The following AGAP1 variants were observed in gnomAD, a reference collection of about 807,000 sequenced individuals.
The protein encoded by AGAP1 is ArfGAP with GTPase domain, ankyrin repeat and PH domain 1.
In AGAP1, 29 loss-of-function variants were observed where a neutral mutation model predicts 105.3. That is an observed-to-expected ratio of 0.28 (90% confidence interval 0.21 to 0.38). AGAP1 has a LOEUF of 0.38. Among genes scored for constraint, AGAP1 ranks in the 10% least tolerant of loss-of-function variants. The pLI is 1.00. For synonymous variants in AGAP1, 509 were observed against 485.9 expected (o/e 1.05, Z -0.63); for missense variants, 998 against 1,165.1 (o/e 0.86, Z 2.09).
rs533975465 is a variant in AGAP1, at chr2:236,092,692, G to A, written c.2115-27500G>A. Among the ~76,000 whole-genome samples the A allele has an allele frequency of 1.2e-3, 188 of 152,256 alleles. No homozygotes were observed. Among genetic ancestry groups the A allele is most frequent in the African/African-American group, 4.4e-3 (182 of 41,568 alleles). ...CAGGCGTGAGCCACCGCGCCCGGCCGTATTATTTCTTTAAACTCCATGTGA... is the reference window on the plus strand; with the variant it reads ...CAGGCGTGAGCCACCGCGCCCGGCCATATTATTTCTTTAAACTCCATGTGA... On this transcript the variant is annotated intron_variant, in intron 16 of 17. Transcript: ENST00000304032. This position sits in a 1 kb window ranked among gnomAD's most constrained non-coding sequence, Gnocchi z 4.7.
At chr2:235,697,165 G>A (rs577031692) in intron 1 of AGAP1, among the ~76,000 whole-genome samples, 1 of 152,318 alleles carries the variant, frequency 6.6e-6, no homozygotes, top group African/African-American at 2.4e-5. Context: ...ACTAAGAGCA[G>A]ATTCTGGGAG....
intron 1 of AGAP1, among the ~76,000 whole-genome samples, chr2:235,499,404 A>G (rs1941468286): frequency 6.6e-6 from 1 of 152,144 alleles, no homozygotes; most frequent in Non-Finnish European, 1.5e-5. Context: ...GGAAACAAAC[A>G]TTTTCTTCCT....
At position 235,665,854 on chromosome 2, in the gene AGAP1, G is replaced by C. The variant is rs1028902929; in HGVS notation, c.164-43325G>C. On this transcript the variant is annotated intron_variant, in intron 1 of 17. Transcript: ENST00000304032. This position sits in a 1 kb window ranked among gnomAD's most constrained non-coding sequence, Gnocchi z 5.3. ...TCAGGTTCTGTTATTTGGAAAGCCA[G>C]CCTGTGTAGCAGATGGCTCTGCTGA... is the stretch of plus-strand genomic sequence containing the variant. 2.6e-5 allele frequency among the ~76,000 whole-genome samples: 4 copies of C among 152,156 alleles called. No homozygotes were observed. Among genetic ancestry groups the C allele is most frequent in the African/African-American group, 9.7e-5 (4 of 41,426 alleles).
At chr2:235,955,564 A>C (rs1248137343) in intron 12 of AGAP1, among the ~76,000 whole-genome samples, 1 of 152,222 alleles carries the variant, frequency 6.6e-6, no homozygotes, top group Non-Finnish European at 1.5e-5. Context: ...CTGGGAACTG[A>C]CTAAGCAAAC....
chr2:235,945,014 C>T (rs1243387663), intron 12 of AGAP1, among the ~76,000 whole-genome samples: 1 of 152,216 alleles, frequency 6.6e-6, no homozygotes, highest in Non-Finnish European at 1.5e-5. Context: ...AAGTTCCTGA[C>T]AATTAATTTT....
At chr2:235,920,441 C>T (rs542895666) in intron 11 of AGAP1, among the ~76,000 whole-genome samples, 1 of 152,128 alleles carries the variant, frequency 6.6e-6, no homozygotes, top group Non-Finnish European at 1.5e-5. Context: ...GCCCCAAGCG[C>T]AGGGTTGTTG....
At position 235,666,405 on chromosome 2, in the gene AGAP1, G is replaced by A. The variant is rs543226199; in HGVS notation, c.164-42774G>A. Among the ~76,000 whole-genome samples, 308 of 152,140 alleles carry A rather than the reference G, an allele frequency of 2.0e-3. 1 individual carries two copies. Among genetic ancestry groups the A allele is most frequent in the African/African-American group, 6.9e-3 (287 of 41,490 alleles). On this transcript the variant is annotated intron_variant, in intron 1 of 17. Transcript: ENST00000304032. ...GATTTAGATTTTGGAGTGACATGTCGGGAGCATGTGTCTTCTTTGCATCGG... is the reference window on the plus strand; with the variant it reads ...GATTTAGATTTTGGAGTGACATGTCAGGAGCATGTGTCTTCTTTGCATCGG...
Position 236,089,825 on chromosome 2 carries a change from C to T in AGAP1, c.2115-30367C>T, listed in dbSNP as rs192911366. 6.6e-6 allele frequency among the ~76,000 whole-genome samples: 1 copy of T among 152,078 alleles called. No individual in the cohort carries two copies. Among genetic ancestry groups the T allele is most frequent in the Admixed American group, 6.6e-5 (1 of 15,258 alleles). On this transcript the variant is annotated intron_variant, in intron 16 of 17. Coordinates refer to ENST00000304032, the MANE Select transcript of AGAP1 (RefSeq NM_001037131.3). The surrounding 1 kb of genome is among the most constrained non-coding windows in gnomAD (Gnocchi z 5.6). The stretch of plus-strand genomic sequence containing the variant: ...CTGACGAGGTCTAATTGGCATGTAA[C>T]GCCCTATAAATTTATTAGCATGCCT...
rs1947981441 is a variant in AGAP1, at chr2:235,662,226, T to G, written c.164-46953T>G. Among the ~76,000 whole-genome samples the G allele has an allele frequency of 6.6e-6, 1 of 152,200 alleles. No individual in the cohort carries two copies. The highest frequency in any genetic ancestry group is 2.1e-4 in the South Asian group (1 of 4,836). On this transcript the variant is annotated intron_variant, in intron 1 of 17. Coordinates refer to ENST00000304032, the MANE Select transcript of AGAP1 (RefSeq NM_001037131.3). The surrounding 1 kb of genome is among the most constrained non-coding windows in gnomAD (Gnocchi z 4.2). ...TGGTGGCACATGAATCCCAGCTTTG[T>G]GTATCCACTCAGTTGCATGCCAGGT...
intron 11 of AGAP1, among the ~76,000 whole-genome samples, chr2:235,913,298 CTG>C (rs2051710645): frequency 6.6e-6 from 1 of 151,924 alleles, no homozygotes; most frequent in Non-Finnish European, 1.5e-5. Flanking sequence ...GCATATATAT[CTG>C]TGTGTATGTG....
At chr2:235,675,401 A>T in intron 1 of AGAP1, among the ~76,000 whole-genome samples, 1 of 151,932 alleles carries the variant, frequency 6.6e-6, no homozygotes, top group Admixed American at 6.6e-5. Flanking sequence ...CTGTGGTCTC[A>T]ATCTCCTGAC....
At chr2:235,890,417 G>T (rs1484785981) in intron 10 of AGAP1, among the ~76,000 whole-genome samples, 1 of 152,192 alleles carries the variant, frequency 6.6e-6, no homozygotes, top group East Asian at 1.9e-4. Context: ...CTCCCAAAGT[G>T]CTGGGATTAT....
Position 236,102,154 on chromosome 2 carries a change from A to G in AGAP1, c.2115-18038A>G, listed in dbSNP as rs542916624. 3.9e-5 allele frequency among the ~76,000 whole-genome samples: 6 copies of G among 152,148 alleles called. No individual in the cohort carries two copies. The South Asian group carries it at 1.2e-3, about 32-fold the overall frequency. On this transcript the variant is annotated intron_variant, in intron 16 of 17. Transcript: ENST00000304032. The stretch of plus-strand genomic sequence containing the variant: ...AAAATTAGGCCGGGCGCGGTGGCTC[A>G]CGCCTGTAATCCCAGCACTTTGGGA...
At chr2:235,742,344 C>T (rs988680949) in intron 4 of AGAP1, among the ~76,000 whole-genome samples, 1 of 152,036 alleles carries the variant, frequency 6.6e-6, no homozygotes, top group African/African-American at 2.4e-5. Context: ...TACCAGTATT[C>T]GAAAGAAGGA....
chr2:235,597,326 C>A (rs574463971), intron 1 of AGAP1, among the ~76,000 whole-genome samples: 1 of 152,196 alleles, frequency 6.6e-6, no homozygotes, highest in South Asian at 2.1e-4. Flanking sequence ...AAGCACAGCT[C>A]CCAGAGATGA....
rs75973085 is a variant in AGAP1, at chr2:235,600,962, G to A, written c.163+106113G>A. ...AGCTGGTGCTCACTTTATTTTTACT[G>A]CTTGTTGTTCTGGCCCCAGATCTCA... On this transcript the variant is annotated intron_variant, in intron 1 of 17. Coordinates refer to ENST00000304032, the MANE Select transcript of AGAP1 (RefSeq NM_001037131.3). This position sits in a 1 kb window ranked among gnomAD's most constrained non-coding sequence, Gnocchi z 4.8. Among the ~76,000 whole-genome samples, 6,021 of 152,154 alleles carry A rather than the reference G, an allele frequency of 0.04. 170 individuals carry two copies. Among genetic ancestry groups the A allele is most frequent in the Non-Finnish European group, 0.063 (4,266 of 68,012 alleles).
chr2:236,027,855 A>G lies in AGAP1; in HGVS notation c.1646-8706A>G, dbSNP rs142455638. On this transcript the variant is annotated intron_variant, in intron 13 of 17. Coordinates refer to ENST00000304032, the MANE Select transcript of AGAP1 (RefSeq NM_001037131.3). The surrounding 1 kb of genome is among the most constrained non-coding windows in gnomAD (Gnocchi z 4.4). Reference sequence around the variant, plus strand: ...CCCTGTGATCACAGGGCCTTTGTGCATGCTACATACACGTCAGAGACAGAC... The same window carrying G: ...CCCTGTGATCACAGGGCCTTTGTGCGTGCTACATACACGTCAGAGACAGAC... 6.6e-5 allele frequency among the ~76,000 whole-genome samples: 10 copies of G among 152,246 alleles called. No individual in the cohort carries two copies. The East Asian group carries it at 1.9e-3, about 29-fold the overall frequency.
chr2:235,683,158 T>C (rs1447727393), intron 1 of AGAP1, among the ~76,000 whole-genome samples: 1 of 151,946 alleles, frequency 6.6e-6, no homozygotes, highest in African/African-American at 2.4e-5. Context: ...AATATAAAAA[T>C]TAGCTGGACA....
intron 9 of AGAP1, among the ~76,000 whole-genome samples, chr2:235,839,682 C>T (rs1559548594): frequency 6.6e-6 from 1 of 152,258 alleles, no homozygotes; most frequent in East Asian, 1.9e-4. Context: ...ATTTTCCCAG[C>T]GAGTTCGTTT....
Sources: gnomAD v4.1 joint callset for allele counts (sites outside exome capture counted in the v4.1 genomes callset) on GRCh38, gnomAD v4.1.1 for gene constraint, Gnocchi (gnomAD v3.1) non-coding constraint, MANE v1.5 for transcripts, NCBI Gene and HGNC (gene_info 2026-07-23, HGNC 2026-07-21) for gene names.